The following ANO3 variants were observed in gnomAD, a reference collection of about 807,000 sequenced individuals.
The protein encoded by ANO3 is anoctamin-3.
Under a neutral mutation model 144.8 loss-of-function variants are expected in ANO3, and 99 were observed. That is an observed-to-expected ratio of 0.68 (90% CI 0.58 to 0.81). The LOEUF (loss-of-function observed/expected upper bound fraction) is 0.81. Among genes scored for constraint, ANO3 ranks in the 30% least tolerant of loss-of-function variants. ANO3 has a pLI of 0.00. For synonymous variants in ANO3, 414 were observed against 392.6 expected, an observed-to-expected ratio of 1.05 and a Z score of -0.64; for missense variants, 905 against 1,202.2, an observed-to-expected ratio of 0.75 and a Z score of 3.66.
chr11:26,549,585 A>T (rs113559507), intron 12 of ANO3, among the ~76,000 whole-genome samples: 19 of 152,104 alleles, frequency 1.2e-4, no homozygotes, highest in African/African-American at 4.6e-4. Flanking sequence ...CTAAATTAAG[A>T]TCATGTTTCT....
At chr11:26,273,127 A>G (rs1325674900) in intron 1 of ANO3, among the ~76,000 whole-genome samples, 2 of 152,134 alleles carry the variant, frequency 1.3e-5, no homozygotes, top group African/African-American at 2.4e-5. Context: ...GTATGACAAG[A>G]AGGCCTGGAC....
chr11:26,313,887 T>TATAATATAATATAATATA (rs1417574153), intron 1 of ANO3, among the ~76,000 whole-genome samples: 3 of 148,624 alleles, frequency 2.0e-5, no homozygotes, highest in African/African-American at 7.4e-5. Context: ...TATAATATAA[T>TATAATATAATATAATATA]ATAATATAAT....
intron 13 of ANO3, among the ~76,000 whole-genome samples, chr11:26,556,613 G>A (rs546600643): frequency 2.0e-5 from 3 of 152,140 alleles, no homozygotes; most frequent in Non-Finnish European, 2.9e-5. Flanking sequence ...AGTTCCTCAG[G>A]TGACTCTAAT....
At chr11:26,297,184 C>CGTGTGTGCGT (rs1554935593) in intron 1 of ANO3, among the ~76,000 whole-genome samples, 27 of 146,338 alleles carry the variant, frequency 1.8e-4, no homozygotes, top group African/African-American at 6.3e-4. Flanking sequence ...TCAACCATTG[C>CGTGTGTGCGT]GTGTGTGTGT....
chr11:26,401,059 A>G (rs1857135188), intron 1 of ANO3, among the ~76,000 whole-genome samples: 1 of 152,052 alleles, frequency 6.6e-6, no homozygotes, highest in Non-Finnish European at 1.5e-5. Flanking sequence ...TTGGATATGC[A>G]TCGTGTGATG....
At chr11:26,547,600 G>A (rs753213130) in intron 12 of ANO3, 50 bp downstream of exon 12, 1 of 1,533,388 alleles carries the variant, frequency 6.5e-7, no homozygotes, top group South Asian at 1.1e-5. Flanking sequence ...CTTCTGAATG[G>A]GCAAAAGTTT....
chr11:26,408,026 A>G (rs994045500), intron 1 of ANO3, among the ~76,000 whole-genome samples: 18 of 152,212 alleles, frequency 1.2e-4, no homozygotes, highest in African/African-American at 4.3e-4. Context: ...AAACCCTAGA[A>G]GAAAACCTAG....
chr11:26,302,922 C>A (rs1435552513), intron 1 of ANO3, among the ~76,000 whole-genome samples: 1 of 152,022 alleles, frequency 6.6e-6, no homozygotes, highest in Non-Finnish European at 1.5e-5. Context: ...TTAAAAGTAG[C>A]CAACAAACAT....
chr11:26,368,942 T>G (rs1856171526), intron 1 of ANO3, among the ~76,000 whole-genome samples: 1 of 152,138 alleles, frequency 6.6e-6, no homozygotes, highest in Admixed American at 6.6e-5. Flanking sequence ...ATATAAAATT[T>G]TTATCAACTA....
chr11:26,194,664 C>A (rs1851549632), intron 1 of ANO3, among the ~76,000 whole-genome samples: 1 of 151,852 alleles, frequency 6.6e-6, no homozygotes, highest in African/African-American at 2.4e-5. Context: ...CTACGCTGGG[C>A]TAATTTTGTA....
chr11:26,293,951 G>A (rs1191967568), intron 1 of ANO3, among the ~76,000 whole-genome samples: 2 of 152,060 alleles, frequency 1.3e-5, no homozygotes, highest in Admixed American at 1.3e-4. Context: ...TACCTAAATA[G>A]TTTTGTCGCT....
intron 4 of ANO3, among the ~76,000 whole-genome samples, chr11:26,491,463 A>G (rs1437596500): frequency 2.0e-5 from 3 of 152,200 alleles, no homozygotes; most frequent in Non-Finnish European, 4.4e-5. Context: ...TGGCTCAAAA[A>G]TTACTAAAAA....
intron 14 of ANO3, among the ~76,000 whole-genome samples, chr11:26,585,526 AT>A (rs1159824808): frequency 6.6e-6 from 1 of 151,908 alleles, no homozygotes; most frequent in Non-Finnish European, 1.5e-5. Flanking sequence ...CTTTGCTCTT[AT>A]ATATCAGATT....
intron 1 of ANO3, among the ~76,000 whole-genome samples, chr11:26,226,484 G>A (rs1002224193): frequency 1.4e-4 from 22 of 152,046 alleles, no homozygotes; most frequent in Non-Finnish European, 1.0e-4. Flanking sequence ...AACCCATCTA[G>A]TGTCAATTTT....
At chr11:26,486,360 C>CAAAAAA (rs10681114) in intron 4 of ANO3, among the ~76,000 whole-genome samples, 3,577 of 74,082 alleles carry the variant, frequency 0.048, 141 homozygotes, top group Non-Finnish European at 0.07. Flanking sequence ...GACTCTGTCT[C>CAAAAAA]AAAAAAAAAA....
Position 26,635,001 on chromosome 11 carries a change from GTCT to G in ANO3, c.1986-7_1986-5del. ...CACTTAAATGCTAATGAACTAAAAT[GTCT>G]TCTTACAGATTCGTAGGCCACCCAG... On this transcript the variant is annotated splice_polypyrimidine_tract_variant and intron_variant, in intron 19 of 26. Coordinates refer to ENST00000256737, the MANE Select transcript of ANO3 (RefSeq NM_031418.4). 1 of 1,610,812 alleles carries G rather than the reference GTCT, an allele frequency of 6.2e-7. No homozygotes were observed. The highest frequency in any genetic ancestry group is 8.5e-7 in the Non-Finnish European group (1 of 1,177,168).
intron 1 of ANO3, among the ~76,000 whole-genome samples, chr11:26,404,548 C>T (rs1266463283): frequency 2.0e-5 from 3 of 151,584 alleles, no homozygotes; most frequent in East Asian, 1.9e-4. Flanking sequence ...GCAACGTTCC[C>T]GAAATATTGT....
At chr11:26,487,671 G>C (rs1189121543) in intron 4 of ANO3, among the ~76,000 whole-genome samples, 2 of 152,156 alleles carry the variant, frequency 1.3e-5, no homozygotes, top group Non-Finnish European at 2.9e-5. Flanking sequence ...GGCTGAGGTG[G>C]TCTCAGATGG....
chr11:26,232,341 G>A (rs1852419072), intron 1 of ANO3, among the ~76,000 whole-genome samples: 1 of 152,078 alleles, frequency 6.6e-6, no homozygotes, highest in Non-Finnish European at 1.5e-5. Context: ...GGGTGAGATT[G>A]ACTGATAATG....
Sources: gnomAD v4.1 joint callset for allele counts (sites outside exome capture counted in the v4.1 genomes callset) on GRCh38, gnomAD v4.1.1 for gene constraint, MANE v1.5 for transcripts, NCBI Gene and HGNC (gene_info 2026-07-23, HGNC 2026-07-21) for gene names.